IKZF1: variants seen among roughly 807,000 people sequenced by gnomAD.
IKZF1 encodes IKAROS family zinc finger 1.
In IKZF1, 10 loss-of-function variants were observed where a neutral mutation model predicts 51.7. That is an observed-to-expected ratio of 0.19 (90% CI 0.12 to 0.33). IKZF1 has a LOEUF of 0.33. Ranked by LOEUF, IKZF1 falls within the 10% of genes least tolerant of loss-of-function variation. IKZF1 has a pLI of 1.00. For synonymous variants in IKZF1, 280 were observed against 282.3 expected (o/e 0.99, Z 0.08); for missense variants, 484 against 707.5 (o/e 0.68, Z 3.58).
rs962283201 is a variant in IKZF1, at chr7:50,401,194, G to A, written c.*567G>A. ...GAGCTACATGCATCTAGGGCGGAGAGGCTGCACTTGTGAGAGAAAATACTA... is the reference window on the plus strand; with the variant it reads ...GAGCTACATGCATCTAGGGCGGAGAAGCTGCACTTGTGAGAGAAAATACTA... On this transcript the variant is annotated 3_prime_UTR_variant, in exon 8 of 8. Transcript: ENST00000331340. 11 of 236,046 alleles carry A rather than the reference G, an allele frequency of 4.7e-5. No homozygotes were observed. Among genetic ancestry groups the A allele is most frequent in the Admixed American group, 3.4e-4 (6 of 17,824 alleles). The allele number at this position is 236,046 out of a possible 1,614,324, so 14.6% of individuals were successfully genotyped here. A position where few individuals can be genotyped will look rare whatever the true frequency, so the allele number is the denominator to read the frequency against.
intron 7 of IKZF1, 76 bp downstream of exon 7, chr7:50,391,939 G>T (rs182416303): frequency 6.8e-7 from 1 of 1,460,358 alleles, no homozygotes; most frequent in South Asian, 1.4e-5. Context: ...ATGAGTTGAG[G>T]GTGGAAGAAA....
At chr7:50,312,075 C>T (rs1436843436) in intron 1 of IKZF1, among the ~76,000 whole-genome samples, 2 of 152,152 alleles carry the variant, frequency 1.3e-5, no homozygotes, top group African/African-American at 4.8e-5. Flanking sequence ...TGCTGCACAG[C>T]TCCTGACCAT....
intron 3 of IKZF1, among the ~76,000 whole-genome samples, chr7:50,340,198 C>T (rs1798750546): frequency 6.6e-6 from 1 of 152,220 alleles, no homozygotes; most frequent in African/African-American, 2.4e-5. Flanking sequence ...CTTTGAAGCA[C>T]CTGACACTTG....
At chr7:50,399,632 T>C (rs1234408948) in intron 7 of IKZF1, among the ~76,000 whole-genome samples, 2 of 152,218 alleles carry the variant, frequency 1.3e-5, no homozygotes, top group Non-Finnish European at 2.9e-5. Flanking sequence ...CCTATTTATG[T>C]ATTCATTTAT....
intron 3 of IKZF1, among the ~76,000 whole-genome samples, chr7:50,353,937 G>A (rs6592921): frequency 6.6e-6 from 1 of 152,038 alleles, no homozygotes; most frequent in East Asian, 1.9e-4. Context: ...GGGACCCAGG[G>A]AGGCCCCAAG....
chr7:50,404,917 G>C lies in IKZF1; in HGVS notation c.*4290G>C, dbSNP rs1250925266. 4.6e-6 allele frequency: 1 copy of C among 215,658 alleles called. No homozygotes were observed. The highest frequency in any genetic ancestry group is 6.8e-5 in the East Asian group (1 of 14,672). The allele number at this position is 215,658 out of a possible 1,614,324, so 13.4% of individuals were successfully genotyped here. On this transcript the variant is annotated 3_prime_UTR_variant, in exon 8 of 8. Coordinates refer to ENST00000331340, the MANE Select transcript of IKZF1 (RefSeq NM_006060.6). Reference sequence around the variant, plus strand: ...CTGCCTGCATTGCACTTCTCTTCCCGAGGAGTGGGGTAAATTTAAAAGTCA... The same window carrying C: ...CTGCCTGCATTGCACTTCTCTTCCCCAGGAGTGGGGTAAATTTAAAAGTCA...
At chr7:50,324,601 A>G (rs1794361834) in intron 2 of IKZF1, among the ~76,000 whole-genome samples, 1 of 152,200 alleles carries the variant, frequency 6.6e-6, no homozygotes, top group East Asian at 1.9e-4. Context: ...TGAAAAAAAT[A>G]AATGTCCTGA....
chr7:50,397,077 G>A lies in IKZF1; in HGVS notation c.851-2841G>A, dbSNP rs1448838569. Among the ~76,000 whole-genome samples the A allele has an allele frequency of 5.9e-5, 9 of 152,328 alleles. No individual in the cohort carries two copies. The East Asian group carries it at 1.7e-3, about 29-fold the overall frequency. ...CTGAATCATGTCTTTATAGATATGA[G>A]GCTATGAGGGAAAATTCTGAGGTTA... On this transcript the variant is annotated intron_variant, in intron 7 of 7. Transcript: ENST00000331340.
intron 3 of IKZF1, chr7:50,368,278 A>G (rs1439750107): frequency 1.4e-6 from 1 of 703,236 alleles, no homozygotes; most frequent in Non-Finnish European, 2.6e-6. Flanking sequence ...GGAGCATGGC[A>G]GTGGAGTAAC....
chr7:50,383,840 G>T (rs1286021535), intron 5 of IKZF1, among the ~76,000 whole-genome samples: 1 of 152,244 alleles, frequency 6.6e-6, no homozygotes, highest in Non-Finnish European at 1.5e-5. Context: ...TGAAATATCT[G>T]CAGCGGCCCA....
chr7:50,358,174 G>A (rs536738665), intron 3 of IKZF1, among the ~76,000 whole-genome samples: 1 of 152,294 alleles, frequency 6.6e-6, no homozygotes, highest in South Asian at 2.1e-4. Flanking sequence ...GTAAATGGTT[G>A]TTGAATCATA....
chr7:50,400,288 G>A lies in IKZF1; in HGVS notation c.1221G>A (p.Gln407=). 6.2e-7 allele frequency: 1 copy of A among 1,612,910 alleles called. No homozygotes were observed. Among genetic ancestry groups the A allele is most frequent in the Non-Finnish European group, 8.5e-7 (1 of 1,179,688 alleles). The change falls in exon 8 of 8, where the codon CAG becomes CAA. Residue 407 remains glutamine (Q), a synonymous_variant. Coordinates refer to ENST00000331340, the MANE Select transcript of IKZF1 (RefSeq NM_006060.6). The surrounding 1 kb of genome is among the most constrained non-coding windows in gnomAD (Gnocchi z 5.4). Reference sequence around the variant, plus strand: ...ACACCGAGAGCAACAACGAGGAGCAGCGCAGCGGTCTCATCTACCTGACCA... The same window carrying A: ...ACACCGAGAGCAACAACGAGGAGCAACGCAGCGGTCTCATCTACCTGACCA... The part of the protein sequence containing the change: ...STDTESNNEE[Q]RSGLIYLTNH...
At chr7:50,318,034 G>A (rs1318647406) in intron 1 of IKZF1, among the ~76,000 whole-genome samples, 1 of 152,226 alleles carries the variant, frequency 6.6e-6, no homozygotes, top group Non-Finnish European at 1.5e-5. Context: ...ATATACCAGA[G>A]CATAAATGAG....
At chr7:50,395,355 A>G (rs551159366) in intron 7 of IKZF1, among the ~76,000 whole-genome samples, 1 of 152,344 alleles carries the variant, frequency 6.6e-6, no homozygotes, top group Non-Finnish European at 1.5e-5. Flanking sequence ...GAAGCGGCTT[A>G]TTTTAAATAT....
At chr7:50,397,903 A>G (rs1817129589) in intron 7 of IKZF1, among the ~76,000 whole-genome samples, 1 of 152,210 alleles carries the variant, frequency 6.6e-6, no homozygotes, top group South Asian at 2.1e-4. Flanking sequence ...TCTGACCACC[A>G]GTAGATGAAA....
chr7:50,312,196 AC>A (rs1790351233), intron 1 of IKZF1, among the ~76,000 whole-genome samples: 1 of 152,190 alleles, frequency 6.6e-6, no homozygotes, highest in Admixed American at 6.5e-5. Context: ...TGAGGAAGCT[AC>A]CTAGGAAGTG....
chr7:50,370,868 A>C (rs534714667), intron 3 of IKZF1, among the ~76,000 whole-genome samples: 6 of 152,210 alleles, frequency 3.9e-5, no homozygotes, highest in Middle Eastern at 3.2e-3. Flanking sequence ...ATTTATAACT[A>C]TCTTTCCTAT....
intron 3 of IKZF1, among the ~76,000 whole-genome samples, chr7:50,336,699 T>C (rs986867142): frequency 1.3e-5 from 2 of 152,166 alleles, no homozygotes; most frequent in South Asian, 4.1e-4. Context: ...GGCTGCATTG[T>C]CCACTTCGGT....
intron 6 of IKZF1, among the ~76,000 whole-genome samples, chr7:50,388,856 A>G (rs1376157885): frequency 6.6e-6 from 1 of 152,232 alleles, no homozygotes; most frequent in Non-Finnish European, 1.5e-5. Context: ...GCTCCTAATG[A>G]TGTAGTTTAC....
Sources: allele counts gnomAD v4.1 joint callset (sites outside exome capture counted in the v4.1 genomes callset), GRCh38; gene constraint gnomAD v4.1.1; non-coding constraint Gnocchi (gnomAD v3.1); transcripts MANE v1.5; gene names NCBI Gene and HGNC (gene_info 2026-07-23, HGNC 2026-07-21).